CTNNA3: variants seen among roughly 807,000 people sequenced by gnomAD.
CTNNA3 encodes the protein catenin alpha-3.
A neutral mutation model predicts 95.7 loss-of-function variants in CTNNA3; 76 were observed. The ratio of observed to expected loss-of-function variants is 0.79; its 90% confidence interval spans 0.66 to 0.96. The LOEUF is 0.96. CTNNA3 is among the 40% of genes least tolerant of loss of function. The pLI, the probability that CTNNA3 is intolerant of heterozygous loss-of-function variation, is 0.00. For missense variants in CTNNA3, 1,191 were observed against 1,089.8 expected (o/e 1.09, Z -1.31); for synonymous variants, 431 against 374.4 (o/e 1.15, Z -1.74).
chr10:66,745,077 C>A (rs1010350039), intron 9 of CTNNA3, among the ~76,000 whole-genome samples: 7 of 152,160 alleles, frequency 4.6e-5, no homozygotes, highest in African/African-American at 1.7e-4. Context: ...CTGTTCACAG[C>A]CAGCTCCACC....
intron 5 of CTNNA3, among the ~76,000 whole-genome samples, chr10:67,268,702 TA>T (rs1360403251): frequency 6.6e-6 from 1 of 152,192 alleles, no homozygotes; most frequent in Non-Finnish European, 1.5e-5. Context: ...CAACAACCAT[TA>T]AACATTTTGA....
intron 5 of CTNNA3, among the ~76,000 whole-genome samples, chr10:67,234,714 A>T (rs1391882025): frequency 7.9e-5 from 12 of 152,118 alleles, no homozygotes; most frequent in Non-Finnish European, 1.8e-4. Context: ...GAAAAGAGGA[A>T]GTCAAATTGT....
chr10:66,384,829 T>C (rs985813825), intron 11 of CTNNA3, among the ~76,000 whole-genome samples: 1 of 152,160 alleles, frequency 6.6e-6, no homozygotes, highest in African/African-American at 2.4e-5. Flanking sequence ...AACAACCTGC[T>C]CCTGAATGAC....
At chr10:66,432,498 A>T (rs2093305336) in intron 11 of CTNNA3, among the ~76,000 whole-genome samples, 1 of 151,968 alleles carries the variant, frequency 6.6e-6, no homozygotes, top group Non-Finnish European at 1.5e-5. Flanking sequence ...CTCTACTAAA[A>T]ATACAAAAAA....
At chr10:66,776,328 A>G (rs1840297961) in intron 7 of CTNNA3, among the ~76,000 whole-genome samples, 1 of 152,226 alleles carries the variant, frequency 6.6e-6, no homozygotes, top group African/African-American at 2.4e-5. Context: ...TTAAATTAAT[A>G]AACTGAAAAG....
chr10:65,928,096 G>A (rs965113060), intron 17 of CTNNA3, among the ~76,000 whole-genome samples: 1 of 152,088 alleles, frequency 6.6e-6, no homozygotes, highest in Non-Finnish European at 1.5e-5. Context: ...ATGTTAAACA[G>A]ATTTTCCTTT....
chr10:66,894,057 T>C (rs902170343), intron 7 of CTNNA3, among the ~76,000 whole-genome samples: 1 of 152,134 alleles, frequency 6.6e-6, no homozygotes, highest in Non-Finnish European at 1.5e-5. Flanking sequence ...TATTGCATGT[T>C]ACCTTAAATC....
At chr10:67,654,172 A>G (rs1430776010) in intron 1 of CTNNA3, among the ~76,000 whole-genome samples, 1 of 152,158 alleles carries the variant, frequency 6.6e-6, no homozygotes, top group Non-Finnish European at 1.5e-5. Context: ...CTCCTTCTAA[A>G]AGGAACCCAA....
chr10:66,749,905 C>T (rs1389977360), intron 9 of CTNNA3, among the ~76,000 whole-genome samples: 2 of 152,122 alleles, frequency 1.3e-5, no homozygotes, highest in Non-Finnish European at 2.9e-5. Flanking sequence ...TGGATTTTGG[C>T]CATTTTATTA....
At chr10:67,066,890 G>A (rs991486690) in intron 7 of CTNNA3, among the ~76,000 whole-genome samples, 1 of 152,134 alleles carries the variant, frequency 6.6e-6, no homozygotes, top group Non-Finnish European at 1.5e-5. Flanking sequence ...AAGGGTAATG[G>A]TAAATTAATA....
At chr10:66,003,457 C>T (rs2078812542) in intron 15 of CTNNA3, among the ~76,000 whole-genome samples, 1 of 151,890 alleles carries the variant, frequency 6.6e-6, no homozygotes, top group Non-Finnish European at 1.5e-5. Context: ...CTCAATTTAC[C>T]CTTTACCTGT....
At chr10:66,387,151 G>T (rs2092899718) in intron 11 of CTNNA3, among the ~76,000 whole-genome samples, 1 of 151,978 alleles carries the variant, frequency 6.6e-6, no homozygotes, top group Admixed American at 6.6e-5. Flanking sequence ...CCATCGGCGT[G>T]AACAGGCAAC....
intron 7 of CTNNA3, among the ~76,000 whole-genome samples, chr10:66,863,829 T>C (rs1244304356): frequency 1.3e-5 from 2 of 152,122 alleles, no homozygotes; most frequent in African/African-American, 2.4e-5. Context: ...GGTGTGGACA[T>C]AGAAGATTTC....
At chr10:66,081,855 G>A (rs561563304) in intron 14 of CTNNA3, among the ~76,000 whole-genome samples, 5 of 152,228 alleles carry the variant, frequency 3.3e-5, no homozygotes, top group South Asian at 4.1e-4. Context: ...AGTGGCTCAC[G>A]CCTGTAATCC....
At chr10:66,610,575 A>G (rs10997259) in intron 10 of CTNNA3, among the ~76,000 whole-genome samples, 54,178 of 151,930 alleles carry the variant, frequency 0.36, 9,937 homozygotes, top group Middle Eastern at 0.51. Flanking sequence ...TCAAACCCCA[A>G]TGAGATACAA....
At chr10:66,785,767 T>C (rs1003841043) in intron 7 of CTNNA3, among the ~76,000 whole-genome samples, 1 of 152,186 alleles carries the variant, frequency 6.6e-6, no homozygotes, top group Admixed American at 6.6e-5. Flanking sequence ...TCCTCTTATA[T>C]ATGTATCCTA....
chr10:67,485,418 T>C lies in CTNNA3; in HGVS notation c.579+36424A>G, dbSNP rs2133065179. 2.0e-5 allele frequency among the ~76,000 whole-genome samples: 3 copies of C among 152,276 alleles called. No individual in the cohort carries two copies. The East Asian group carries it at 5.8e-4, about 29-fold the overall frequency. ...TATGCCCACTACCTGGGTCACAGGA[T>C]GAATCTTAGCCCAAACCTTAGCAGC... On this transcript the variant is annotated intron_variant, in intron 5 of 17. Coordinates refer to ENST00000433211, the MANE Select transcript of CTNNA3 (RefSeq NM_013266.4).
intron 5 of CTNNA3, among the ~76,000 whole-genome samples, chr10:67,390,080 A>G (rs1469751402): frequency 1.3e-5 from 2 of 152,186 alleles, no homozygotes; most frequent in South Asian, 2.1e-4. Context: ...GAAGGAAATA[A>G]AGACATAAAA....
chr10:67,090,201 T>C (rs750469337), intron 7 of CTNNA3, among the ~76,000 whole-genome samples: 13 of 152,082 alleles, frequency 8.5e-5, no homozygotes, highest in Admixed American at 2.0e-4. Flanking sequence ...GTTTTCGAGA[T>C]TGGACTCTTC....
Sources: allele counts gnomAD v4.1 joint callset (sites outside exome capture counted in the v4.1 genomes callset), GRCh38; gene constraint gnomAD v4.1.1; transcripts MANE v1.5; gene names NCBI Gene and HGNC (gene_info 2026-07-23, HGNC 2026-07-21).